Variants in DOCK10 observed in about 807,000 individuals in gnomAD.
DOCK10 encodes the protein dedicator of cytokinesis 10.
A neutral mutation model predicts 280.1 loss-of-function variants in DOCK10; 145 were observed. That is an observed-to-expected ratio of 0.52 (90% CI 0.45 to 0.59). DOCK10 has a LOEUF of 0.59. DOCK10 is among the 20% of genes least tolerant of loss of function. The pLI, the probability that DOCK10 is intolerant of heterozygous loss-of-function variation, is 0.00. For missense variants in DOCK10, 2,368 were observed against 2,651.7 expected (o/e 0.89, Z 2.35); for synonymous variants, 915 against 942.2 (o/e 0.97, Z 0.53).
intron 2 of DOCK10, among the ~76,000 whole-genome samples, chr2:224,920,423 AT>A (rs905469540): frequency 3.3e-5 from 5 of 151,960 alleles, no homozygotes; most frequent in African/African-American, 1.2e-4. Flanking sequence ...CAAGTTGCTT[AT>A]TTTATGCTAT....
At chr2:224,850,123 T>G (rs1696636925) in intron 18 of DOCK10, among the ~76,000 whole-genome samples, 1 of 152,200 alleles carries the variant, frequency 6.6e-6, no homozygotes, top group Admixed American at 6.5e-5. Flanking sequence ...TTCTAAAGTT[T>G]CTTTAGAAAT....
intron 1 of DOCK10, among the ~76,000 whole-genome samples, chr2:225,035,371 G>A (rs1241597217): frequency 2.6e-5 from 4 of 151,472 alleles, no homozygotes; most frequent in African/African-American, 9.7e-5. Flanking sequence ...ATTCAAGCAT[G>A]AATTCAAGAG....
At chr2:224,920,687 C>T (rs1189733262) in intron 2 of DOCK10, among the ~76,000 whole-genome samples, 1 of 151,682 alleles carries the variant, frequency 6.6e-6, no homozygotes, top group African/African-American at 2.4e-5. Flanking sequence ...TATATTATGG[C>T]CATTATTAAT....
intron 1 of DOCK10, among the ~76,000 whole-genome samples, chr2:224,991,355 G>T (rs888243863): frequency 1.4e-4 from 22 of 152,148 alleles, no homozygotes; most frequent in African/African-American, 5.3e-4. Context: ...TTCTCCATTG[G>T]CTAATAAGAG....
intron 1 of DOCK10, among the ~76,000 whole-genome samples, chr2:224,940,209 G>A (rs1216267352): frequency 6.6e-6 from 1 of 152,102 alleles, no homozygotes; most frequent in Non-Finnish European, 1.5e-5. Context: ...CCATTAGTTT[G>A]AATCATCAAA....
chr2:224,921,112 A>AAAAAAATATATATATATATAT, intron 2 of DOCK10, among the ~76,000 whole-genome samples: 2 of 54,412 alleles, frequency 3.7e-5, no homozygotes, highest in African/African-American at 1.6e-4. Flanking sequence ...AAAAAAAAAA[A>AAAAAAATATATATATATATAT]ATATATATAT....
intron 1 of DOCK10, among the ~76,000 whole-genome samples, chr2:224,990,503 A>G (rs965252223): frequency 6.6e-6 from 1 of 152,236 alleles, no homozygotes; most frequent in Non-Finnish European, 1.5e-5. Flanking sequence ...GTAAGAATTC[A>G]ACAAATTCTA....
chr2:224,960,810 A>G (rs1395010623), intron 1 of DOCK10, among the ~76,000 whole-genome samples: 1 of 127,502 alleles, frequency 7.8e-6, no homozygotes, highest in Non-Finnish European at 1.5e-5. Context: ...CGCTATCTCG[A>G]CTCACTGCAA....
At position 224,794,987 on chromosome 2, in the gene DOCK10, C is replaced by T. The variant is rs753924954; in HGVS notation, c.5046G>A (p.Val1682=). The change falls in exon 45 of 56, where the codon GTG becomes GTA. Residue 1682 remains valine, a synonymous_variant. Coordinates refer to ENST00000258390, the MANE Select transcript of DOCK10 (RefSeq NM_014689.3). The part of the protein sequence containing the change: ...KEHEKDPEML[V]DLQYSLANSY... ...AGTTTGCCAGGCTGTACTGGAGATCCACCAGCATCTCGGGGTCCTTCTCGT... is the reference window on the plus strand; with the variant it reads ...AGTTTGCCAGGCTGTACTGGAGATCTACCAGCATCTCGGGGTCCTTCTCGT... 3.1e-6 allele frequency: 5 copies of T among 1,613,810 alleles called. No homozygotes were observed. The highest frequency in any genetic ancestry group is 1.3e-5 in the African/African-American group (1 of 74,900).
chr2:225,019,913 A>G (rs932622740), intron 1 of DOCK10, among the ~76,000 whole-genome samples: 1 of 152,238 alleles, frequency 6.6e-6, no homozygotes, highest in Admixed American at 6.5e-5. Flanking sequence ...CAATTGACAA[A>G]GCTGAACCAA....
intron 55 of DOCK10, among the ~76,000 whole-genome samples, chr2:224,766,926 C>G (rs1379760843): frequency 6.6e-6 from 1 of 152,218 alleles, no homozygotes; most frequent in Non-Finnish European, 1.5e-5. Flanking sequence ...GTAGCATCCA[C>G]TTTATCTTGT....
chr2:224,771,012 C>T (rs1406328556), intron 53 of DOCK10, among the ~76,000 whole-genome samples: 1 of 152,014 alleles, frequency 6.6e-6, no homozygotes, highest in Admixed American at 6.6e-5. Flanking sequence ...ATCACTGCAG[C>T]TTCAAACTAT....
intron 40 of DOCK10, 72 bp from the exon 41 acceptor site, chr2:224,800,335 C>A: frequency 1.2e-6 from 1 of 830,058 alleles, no homozygotes; most frequent in Non-Finnish European, 1.9e-6. Flanking sequence ...GATTTCCTTT[C>A]ATTACAATAT....
intron 48 of DOCK10, among the ~76,000 whole-genome samples, chr2:224,788,434 G>A (rs1046577191): frequency 3.9e-5 from 6 of 152,008 alleles, no homozygotes; most frequent in Non-Finnish European, 5.9e-5. Flanking sequence ...TATTTACTTC[G>A]TTTATTTGCA....
chr2:224,991,205 A>G (rs1706119523), intron 1 of DOCK10, among the ~76,000 whole-genome samples: 1 of 152,198 alleles, frequency 6.6e-6, no homozygotes, highest in Non-Finnish European at 1.5e-5. Flanking sequence ...GGCTGCATAC[A>G]TAGGGAAGGA....
intron 27 of DOCK10, among the ~76,000 whole-genome samples, chr2:224,828,433 G>C (rs1475226618): frequency 6.6e-6 from 1 of 152,172 alleles, no homozygotes; most frequent in African/African-American, 2.4e-5. Context: ...TGTCCTGGCA[G>C]AGGATAGAGG....
chr2:224,974,360 C>T (rs1705280708), intron 1 of DOCK10, among the ~76,000 whole-genome samples: 1 of 152,122 alleles, frequency 6.6e-6, no homozygotes, highest in African/African-American at 2.4e-5. Context: ...TAAGCTTTAG[C>T]CCCTATCAGA....
At chr2:224,930,436 T>G (rs1702288720) in intron 2 of DOCK10, among the ~76,000 whole-genome samples, 1 of 152,158 alleles carries the variant, frequency 6.6e-6, no homozygotes, top group Non-Finnish European at 1.5e-5. Context: ...CCGTTTAAAA[T>G]TTTGAAAAAC....
chr2:224,982,195 C>T (rs1000303062), intron 1 of DOCK10: 13 of 1,231,286 alleles, frequency 1.1e-5, no homozygotes, highest in African/African-American at 6.2e-5. Context: ...TGCTTTACCA[C>T]GGATACCATA....
Sources: gnomAD v4.1 joint callset for allele counts (sites outside exome capture counted in the v4.1 genomes callset) on GRCh38, gnomAD v4.1.1 for gene constraint, MANE v1.5 for transcripts, NCBI Gene and HGNC (gene_info 2026-07-23, HGNC 2026-07-21) for gene names.